RNF2: variants seen among roughly 807,000 people sequenced by gnomAD.
RNF2 encodes ring finger protein 2.
A neutral mutation model predicts 37.2 loss-of-function variants in RNF2; 6 were observed. The observed-to-expected ratio is 0.16, with a 90% CI of 0.09 to 0.32. RNF2 has a LOEUF of 0.32. Ranked by LOEUF, RNF2 falls within the 10% of genes least tolerant of loss-of-function variation. The pLI is 1.00. For synonymous variants in RNF2, 133 were observed against 132.7 expected, an observed-to-expected ratio of 1.00 and a Z score of -0.02; for missense variants, 251 against 404.0, an observed-to-expected ratio of 0.62 and a Z score of 3.25.
chr1:185,054,640 A>G (rs1650377179), intron 1 of RNF2, among the ~76,000 whole-genome samples: 2 of 152,060 alleles, frequency 1.3e-5, no homozygotes, highest in Non-Finnish European at 2.9e-5. Context: ...ATTGTCTTTC[A>G]AGATTGACAT....
chr1:185,087,158 A>T (rs934752468), intron 1 of RNF2, among the ~76,000 whole-genome samples: 1 of 152,216 alleles, frequency 6.6e-6, no homozygotes, highest in African/African-American at 2.4e-5. Flanking sequence ...TTTACTTCCT[A>T]TCTTAATCCA....
At chr1:185,085,659 C>CTT (rs565165523) in intron 1 of RNF2, among the ~76,000 whole-genome samples, 25 of 144,694 alleles carry the variant, frequency 1.7e-4, no homozygotes, top group African/African-American at 6.1e-4. Flanking sequence ...CTGTTTAAAA[C>CTT]TTTTTTTTTT....
chr1:185,061,848 G>C (rs1022936576), intron 1 of RNF2, among the ~76,000 whole-genome samples: 2 of 152,314 alleles, frequency 1.3e-5, no homozygotes, highest in African/African-American at 4.8e-5. Flanking sequence ...GAATATTACA[G>C]TTTAGAGAGC....
At chr1:185,082,306 A>G (rs1338831922) in intron 1 of RNF2, among the ~76,000 whole-genome samples, 2 of 139,486 alleles carry the variant, frequency 1.4e-5, no homozygotes, top group African/African-American at 2.6e-5. Flanking sequence ...GCTGGTCACT[A>G]TGCTCCGCGT....
chr1:185,050,037 T>TA (rs1343208498), intron 1 of RNF2, among the ~76,000 whole-genome samples: 1 of 152,156 alleles, frequency 6.6e-6, no homozygotes, highest in Non-Finnish European at 1.5e-5. Context: ...CATAACAACA[T>TA]AGAGTCTGGG....
chr1:185,053,572 T>C (rs1259322235), intron 1 of RNF2, among the ~76,000 whole-genome samples: 1 of 152,144 alleles, frequency 6.6e-6, no homozygotes, highest in Non-Finnish European at 1.5e-5. Flanking sequence ...AGGCTGGTCT[T>C]GGACTCCTGG....
chr1:185,081,092 C>T (rs1332091926), intron 1 of RNF2, among the ~76,000 whole-genome samples: 7 of 152,072 alleles, frequency 4.6e-5, no homozygotes, highest in Admixed American at 6.5e-5. Flanking sequence ...AAAGTAATTG[C>T]GGTTTTGGAC....
At chr1:185,083,177 C>T (rs1478280470) in intron 1 of RNF2, among the ~76,000 whole-genome samples, 1 of 152,080 alleles carries the variant, frequency 6.6e-6, no homozygotes, top group African/African-American at 2.4e-5. Flanking sequence ...TAATATCTTA[C>T]GAGTAGGTCT....
intron 4 of RNF2, among the ~76,000 whole-genome samples, chr1:185,097,148 T>C (rs1388665314): frequency 2.6e-5 from 4 of 152,188 alleles, no homozygotes; most frequent in African/African-American, 9.7e-5. Flanking sequence ...GAAAATGACA[T>C]TAATGGTAAC....
Position 185,098,266 on chromosome 1 carries a change from T to C in RNF2, c.659T>C (p.Met220Thr). The C allele has an allele frequency of 1.2e-6, 2 of 1,614,140 alleles. No homozygotes were observed. Among genetic ancestry groups the C allele is most frequent in the Non-Finnish European group, 1.7e-6 (2 of 1,180,002 alleles). ...GCAGCAATGGCAATTGATCCAGTAA[T>C]GGATGGTGCTAGTGAAATTGAATTA... is the stretch of plus-strand genomic sequence containing the variant. ...NNAAMAIDPV[M>T]DGASEIELVF... Residue 220 changes from methionine (M) to threonine (T), a missense_variant, in exon 5 of 7, where the codon ATG (methionine) becomes ACG (threonine). Around this residue, in one of 7 missense-constraint regions of RNF2, gnomAD observed 94 missense variants for 99.2 expected, o/e 0.95. Coordinates refer to ENST00000367510, the MANE Select transcript of RNF2 (RefSeq NM_007212.4).
intron 1 of RNF2, among the ~76,000 whole-genome samples, chr1:185,083,596 A>G (rs940432272): frequency 5.3e-5 from 8 of 151,994 alleles, no homozygotes; most frequent in African/African-American, 7.3e-5. Flanking sequence ...AGCTGGGACT[A>G]CAGGCCAACC....
At chr1:185,094,594 A>G (rs908473316) in intron 4 of RNF2, among the ~76,000 whole-genome samples, 34 of 152,252 alleles carry the variant, frequency 2.2e-4, no homozygotes, top group Admixed American at 3.9e-4. Flanking sequence ...TGGTTTTTCT[A>G]CTTCCCATGC....
At position 185,066,655 on chromosome 1, in the gene RNF2, C is replaced by T. The variant is rs529148224; in HGVS notation, c.-2-20897C>T. The stretch of plus-strand genomic sequence containing the variant: ...ATGTTTCCTAAATGGTTGAACTCAA[C>T]TGGTTTTCATTATGGATCTGTTAGC... On this transcript the variant is annotated intron_variant, in intron 1 of 6. Transcript: ENST00000367510. Among the ~76,000 whole-genome samples, 3 of 152,332 alleles carry T rather than the reference C, an allele frequency of 2.0e-5. No individual in the cohort carries two copies. The East Asian group carries it at 5.8e-4, about 29-fold the overall frequency.
intron 2 of RNF2, among the ~76,000 whole-genome samples, chr1:185,090,586 T>TAATC (rs1651738568): frequency 6.6e-6 from 1 of 152,198 alleles, no homozygotes; most frequent in South Asian, 2.1e-4. Context: ...CTTTGTGGAG[T>TAATC]AATCCATCTT....
intron 1 of RNF2, among the ~76,000 whole-genome samples, chr1:185,082,343 AAC>A (rs1557969993): frequency 1.8e-5 from 1 of 56,692 alleles, no homozygotes; most frequent in African/African-American, 5.9e-5. Flanking sequence ...TCCTCTGCAG[AAC>A]TTTTTTTTTT....
chr1:185,065,346 G>A (rs1222278310), intron 1 of RNF2, among the ~76,000 whole-genome samples: 1 of 152,178 alleles, frequency 6.6e-6, no homozygotes, highest in Non-Finnish European at 1.5e-5. Context: ...GGCCAAATAA[G>A]GGAATAAAAG....
intron 1 of RNF2, chr1:185,071,458 G>A (rs1393766986): frequency 2.6e-5 from 4 of 152,170 alleles, no homozygotes; most frequent in African/African-American, 9.7e-5. Context: ...ACAGCTATCT[G>A]TTTGGGAACA....
chr1:185,085,798 C>T lies in RNF2; in HGVS notation c.-2-1754C>T, dbSNP rs79024553. Reference sequence around the variant, plus strand: ...CCTCCCGCATAGCTGGGATTACAGACGCGCACCACCACACCCGGCTAATTT... The same window carrying T: ...CCTCCCGCATAGCTGGGATTACAGATGCGCACCACCACACCCGGCTAATTT... On this transcript the variant is annotated intron_variant, in intron 1 of 6. Transcript: ENST00000367510. 2.3e-3 allele frequency among the ~76,000 whole-genome samples: 352 copies of T among 152,186 alleles called. 2 individuals are homozygous for T. Among genetic ancestry groups the T allele is most frequent in the African/African-American group, 7.8e-3 (326 of 41,536 alleles).
intron 1 of RNF2, among the ~76,000 whole-genome samples, chr1:185,054,951 C>T (rs932177271): frequency 6.6e-6 from 1 of 152,198 alleles, no homozygotes; most frequent in Non-Finnish European, 1.5e-5. Flanking sequence ...CCGCCTGCCT[C>T]GGCCTTCCAG....
Sources: allele counts gnomAD v4.1 joint callset (sites outside exome capture counted in the v4.1 genomes callset), GRCh38; gene constraint gnomAD v4.1.1; regional missense constraint gnomAD v4.1.1; transcripts MANE v1.5; gene names NCBI Gene and HGNC (gene_info 2026-07-23, HGNC 2026-07-21).